Variants in GRIA4 observed in about 807,000 individuals in gnomAD.
GRIA4 encodes the protein glutamate ionotropic receptor AMPA type subunit 4.
A neutral mutation model predicts 104.0 loss-of-function variants in GRIA4; 34 were observed. That is an observed-to-expected ratio of 0.33 (90% confidence interval 0.25 to 0.44). The LOEUF (loss-of-function observed/expected upper bound fraction) is 0.44, where lower values mean the gene tolerates loss of function less well. GRIA4 is among the 20% of genes least tolerant of loss of function. The pLI is 1.00. For missense variants in GRIA4, 750 were observed against 1,096.5 expected, an observed-to-expected ratio of 0.68 and a Z score of 4.46; for synonymous variants, 386 against 381.9, an observed-to-expected ratio of 1.01 and a Z score of -0.13.
At chr11:105,884,932 C>T (rs1420958051) in intron 5 of GRIA4, among the ~76,000 whole-genome samples, 1 of 152,016 alleles carries the variant, frequency 6.6e-6, no homozygotes, top group Non-Finnish European at 1.5e-5. Flanking sequence ...ACTGCAGTCA[C>T]AAAGAAATCA....
intron 4 of GRIA4, among the ~76,000 whole-genome samples, chr11:105,814,899 T>C (rs1269958705): frequency 6.6e-6 from 1 of 152,124 alleles, no homozygotes; most frequent in Non-Finnish European, 1.5e-5. Context: ...CAGAGGTGAA[T>C]ATATGGCCCA....
chr11:105,652,052 T>A (rs1951699552), intron 3 of GRIA4, among the ~76,000 whole-genome samples: 1 of 152,150 alleles, frequency 6.6e-6, no homozygotes, highest in African/African-American at 2.4e-5. Flanking sequence ...AAGACTCCTT[T>A]TCTGTAAAGG....
chr11:105,881,593 C>G (rs1363671356), intron 5 of GRIA4, among the ~76,000 whole-genome samples: 7 of 152,018 alleles, frequency 4.6e-5, no homozygotes, highest in Non-Finnish European at 1.0e-4. Context: ...GCAGCCATTC[C>G]CTTTATGGGA....
intron 3 of GRIA4, among the ~76,000 whole-genome samples, chr11:105,646,477 G>C (rs1206062022): frequency 1.3e-5 from 2 of 151,948 alleles, no homozygotes; most frequent in Non-Finnish European, 2.9e-5. Flanking sequence ...GAAATCCTAA[G>C]CAAAAATAAC....
At chr11:105,657,674 T>A (rs752045461) in intron 3 of GRIA4, among the ~76,000 whole-genome samples, 9 of 152,006 alleles carry the variant, frequency 5.9e-5, no homozygotes, top group Non-Finnish European at 1.0e-4. Flanking sequence ...TCAGATTAGA[T>A]GTGTCTCTGA....
At chr11:105,905,381 G>A in intron 9 of GRIA4, 80 bp downstream of exon 9, 1 of 760,938 alleles carries the variant, frequency 1.3e-6, no homozygotes, top group Non-Finnish European at 2.3e-6. Flanking sequence ...ACAGAAGAAA[G>A]ATGGCTGAAC....
At chr11:105,724,499 A>G (rs1007401535) in intron 3 of GRIA4, among the ~76,000 whole-genome samples, 1 of 152,064 alleles carries the variant, frequency 6.6e-6, no homozygotes. Flanking sequence ...TATGGATGGA[A>G]GTGGAGACCA....
intron 3 of GRIA4, among the ~76,000 whole-genome samples, chr11:105,715,957 C>G (rs1292565489): frequency 4.6e-5 from 7 of 152,176 alleles, no homozygotes; most frequent in African/African-American, 1.7e-4. Flanking sequence ...AATCACTCAG[C>G]TGCAACTAAT....
upstream of GRIA4, chr11:105,610,063 C>T (rs1950431700): frequency 1.3e-5 from 2 of 152,634 alleles, no homozygotes; most frequent in Admixed American, 1.3e-4. Context: ...GAGTCCCCCG[C>T]GCGCAGCCCA....
intron 3 of GRIA4, among the ~76,000 whole-genome samples, chr11:105,620,328 C>CATT (rs3989169): frequency 0.98 from 148,977 of 151,276 alleles, 73,392 homozygotes; most frequent in Middle Eastern, 1. Context: ...CAGAAGTAGG[C>CATT]ATTATTATTA....
rs1427936442 is a variant in GRIA4, at chr11:105,768,784, ATATAAAC to A, written c.487+15569_487+15575del. ...GTGTACCATGCTGGGAAAAATCCAT[ATATAAAC>A]TATAGACTTAGCAAAGAGAAAACAG... On this transcript the variant is annotated intron_variant, in intron 4 of 16. Transcript: ENST00000282499. Among the ~76,000 whole-genome samples, 4 of 152,084 alleles carry A rather than the reference ATATAAAC, an allele frequency of 2.6e-5. No homozygotes were observed. The East Asian group carries it at 7.7e-4, about 29-fold the overall frequency.
At chr11:105,708,577 A>T (rs1325719595) in intron 3 of GRIA4, among the ~76,000 whole-genome samples, 1 of 152,064 alleles carries the variant, frequency 6.6e-6, no homozygotes, top group African/African-American at 2.4e-5. Flanking sequence ...GGAAAATATT[A>T]TTTGATATTT....
At chr11:105,682,937 G>A (rs1025161914) in intron 3 of GRIA4, among the ~76,000 whole-genome samples, 6 of 152,118 alleles carry the variant, frequency 3.9e-5, no homozygotes, top group African/African-American at 1.2e-4. Flanking sequence ...TATCCCTTAA[G>A]CCATCTATTA....
intron 4 of GRIA4, among the ~76,000 whole-genome samples, chr11:105,806,950 G>C (rs988023623): frequency 1.3e-5 from 2 of 151,546 alleles, no homozygotes; most frequent in Non-Finnish European, 3.0e-5. Context: ...TAAAGACAAA[G>C]GAAATATAGA....
chr11:105,929,853 ATTCTT>A (rs1206680992), intron 13 of GRIA4, among the ~76,000 whole-genome samples: 1 of 152,136 alleles, frequency 6.6e-6, no homozygotes, highest in Non-Finnish European at 1.5e-5. Context: ...AGGATAGCAC[ATTCTT>A]TTAATTCCAA....
intron 4 of GRIA4, among the ~76,000 whole-genome samples, chr11:105,774,021 T>G (rs1453625836): frequency 6.6e-6 from 1 of 151,798 alleles, no homozygotes; most frequent in Non-Finnish European, 1.5e-5. Flanking sequence ...GAATAAATTT[T>G]TTTGTATATG....
Position 105,974,196 on chromosome 11 carries a change from C to T in GRIA4, c.2410-114C>T, listed in dbSNP as rs509512. The T allele has an allele frequency of 4.0e-6, 4 of 992,230 alleles. No homozygotes were observed. In the Admixed American group the frequency reaches 8.9e-5, roughly 22 times the overall value. 61.5% of individuals were successfully genotyped at this position (992,230 alleles called of 1,614,324 possible). On this transcript the variant is annotated intron_variant, in intron 15 of 16. Coordinates refer to ENST00000282499, the MANE Select transcript of GRIA4 (RefSeq NM_000829.4). The stretch of plus-strand genomic sequence containing the variant: ...ACATCAGTGACTTATACTTGTAAAT[C>T]ATTTCAGGTTAAATTAAGCATTTAC...
At chr11:105,802,122 C>T (rs1398001841) in intron 4 of GRIA4, among the ~76,000 whole-genome samples, 2 of 151,926 alleles carry the variant, frequency 1.3e-5, no homozygotes, top group African/African-American at 4.8e-5. Context: ...AGTCAGTGAC[C>T]CAAAGCAAAC....
At chr11:105,628,070 T>C (rs759090672) in intron 3 of GRIA4, among the ~76,000 whole-genome samples, 1 of 151,908 alleles carries the variant, frequency 6.6e-6, no homozygotes, top group African/African-American at 2.4e-5. Context: ...TACCATCATA[T>C]ATATGTGTGT....
Sources: allele counts gnomAD v4.1 joint callset (sites outside exome capture counted in the v4.1 genomes callset), GRCh38; gene constraint gnomAD v4.1.1; transcripts MANE v1.5; gene names NCBI Gene and HGNC (gene_info 2026-07-23, HGNC 2026-07-21).